Variants in SYNE2 observed in about 807,000 individuals in gnomAD.
The protein encoded by SYNE2 is spectrin repeat containing nuclear envelope protein 2.
SYNE2 carries 431 observed loss-of-function variants against 856.3 expected under a neutral mutation model. The ratio of observed to expected loss-of-function variants is 0.50; its 90% CI spans 0.47 to 0.55. The LOEUF (loss-of-function observed/expected upper bound fraction) is 0.55. Among genes scored for constraint, SYNE2 ranks in the 20% least tolerant of loss-of-function variants. The pLI is 0.00. For synonymous variants in SYNE2, 2,923 were observed against 2,872.3 expected (o/e 1.02, Z -0.56); for missense variants, 8,129 against 8,023.2 (o/e 1.01, Z -0.50).
At chr14:64,209,841 G>A (rs1414797516) in intron 102 of SYNE2, 101 bp from the exon 103 acceptor site, 1 of 1,504,714 alleles carries the variant, frequency 6.6e-7, no homozygotes, top group Non-Finnish European at 9.2e-7. Context: ...ATTGCAGTTT[G>A]GGGATGAACC....
intron 100 of SYNE2, among the ~76,000 whole-genome samples, chr14:64,204,559 G>A (rs1246702227): frequency 6.6e-6 from 1 of 152,146 alleles, no homozygotes; most frequent in Non-Finnish European, 1.5e-5. Flanking sequence ...ACAGTTTGGA[G>A]CCACTGCTAT....
At chr14:63,826,245 C>A (rs1185983337) in intron 1 of SYNE2, among the ~76,000 whole-genome samples, 1 of 151,700 alleles carries the variant, frequency 6.6e-6, no homozygotes, top group Non-Finnish European at 1.5e-5. Context: ...TAAATTCTTC[C>A]ACTTATGGTC....
chr14:64,011,547 C>T lies in SYNE2; in HGVS notation c.4728+1431C>T, dbSNP rs541712865. Among the ~76,000 whole-genome samples, 3 of 152,296 alleles carry T rather than the reference C, an allele frequency of 2.0e-5. No individual in the cohort carries two copies. The South Asian group carries it at 6.2e-4, about 32-fold the overall frequency. On this transcript the variant is annotated intron_variant, in intron 32 of 115. Transcript: ENST00000555002. ...CGATAGCAGTCTCCTACCTTGTACT[C>T]TTGTTTTAGGATCAAAGTCTCTGCC...
At chr14:64,055,454 C>T (rs934793002) in intron 48 of SYNE2, among the ~76,000 whole-genome samples, 55 of 151,204 alleles carry the variant, frequency 3.6e-4, no homozygotes, top group East Asian at 3.9e-4. Context: ...CTGCAACCTC[C>T]GCCTCCCGGG....
chr14:63,914,289 G>T (rs2095509758), intron 2 of SYNE2, among the ~76,000 whole-genome samples: 2 of 152,128 alleles, frequency 1.3e-5, no homozygotes, highest in African/African-American at 4.8e-5. Flanking sequence ...AAGTTAAATG[G>T]GATTTTCTTT....
intron 1 of SYNE2, among the ~76,000 whole-genome samples, chr14:63,815,709 A>G (rs1208294412): frequency 6.6e-6 from 1 of 152,110 alleles, no homozygotes; most frequent in East Asian, 1.9e-4. Flanking sequence ...TATAAACTTT[A>G]GAGACATCAC....
In SYNE2 at chr14:64,003,289, A is replaced by C. The variant is rs2096769196; in HGVS notation, c.4356A>C (p.Lys1452Asn). The change falls in exon 30 of 116, where the codon AAA becomes AAC. Residue 1452 changes from lysine (K) to asparagine (N), a missense_variant. Around this residue, in one of 3 missense-constraint regions of SYNE2, gnomAD observed 2,422 missense variants for 2,357.4 expected, o/e 1.03. Transcript: ENST00000555002. ...NIQDVQSQIS[K>N]IGLKDPTVPA... The stretch of plus-strand genomic sequence containing the variant: ...AAGATGTGCAGAGTCAAATCAGTAA[A>C]ATTGGTCTTAAGGATCCTACTGTTC... 1 of 1,614,008 alleles carries C rather than the reference A, an allele frequency of 6.2e-7. No homozygotes were observed. Among genetic ancestry groups the C allele is most frequent in the Admixed American group, 1.7e-5 (1 of 59,992 alleles).
At chr14:63,887,109 C>T (rs948351461) in intron 1 of SYNE2, among the ~76,000 whole-genome samples, 1 of 152,030 alleles carries the variant, frequency 6.6e-6, no homozygotes, top group Non-Finnish European at 1.5e-5. Flanking sequence ...GGTGAAACCC[C>T]GTCTCTACTA....
intron 52 of SYNE2, 85 bp from the exon 53 acceptor site, chr14:64,073,883 C>T (rs1163258378): frequency 6.9e-7 from 1 of 1,449,512 alleles, no homozygotes; most frequent in African/African-American, 1.4e-5. Flanking sequence ...TCAGGCATTT[C>T]ATTAATTGTT....
In SYNE2 at chr14:64,186,501, C is replaced by T. The variant is rs763518997; in HGVS notation, c.17634C>T (p.His5878=). 4.3e-6 allele frequency: 7 copies of T among 1,614,198 alleles called. No individual in the cohort carries two copies. The highest frequency in any genetic ancestry group is 1.1e-5 in the South Asian group (1 of 91,086). Residue 5878 remains histidine (H), a synonymous_variant, in exon 97 of 116, where the codon CAC becomes CAT. Coordinates refer to ENST00000555002, the MANE Select transcript of SYNE2 (RefSeq NM_182914.3). ...LQTMKADLTR[H]VLVEDVMVLK... ...CTATGAAGGCGGACTTAACCCGGCA[C>T]GTTCTCGTGGAAGATGTGATGGTTT...
At chr14:63,789,720 A>G (rs1398320815) in intron 1 of SYNE2, among the ~76,000 whole-genome samples, 1 of 151,898 alleles carries the variant, frequency 6.6e-6, no homozygotes, top group Non-Finnish European at 1.5e-5. Context: ...GGAGGTTGCA[A>G]TGAGCTGAGA....
At chr14:64,207,335 G>C (rs2098610312) in intron 100 of SYNE2, among the ~76,000 whole-genome samples, 1 of 152,182 alleles carries the variant, frequency 6.6e-6, no homozygotes, top group African/African-American at 2.4e-5. Flanking sequence ...AGCACTTTGG[G>C]AGGCCAAGGA....
In SYNE2 at chr14:64,120,934, C is replaced by T. The variant is rs2097893794; in HGVS notation, c.13031C>T (p.Thr4344Ile). The change falls in exon 68 of 116, where the codon ACC becomes ATC. Residue 4344 changes from threonine to isoleucine, a missense_variant. Physicochemically the swap from Thr to Ile is moderately conservative, Grantham distance 89. Around this residue, in one of 3 missense-constraint regions of SYNE2, gnomAD observed 5,410 missense variants for 5,284.8 expected, o/e 1.02. Coordinates refer to ENST00000555002, the MANE Select transcript of SYNE2 (RefSeq NM_182914.3). ...QEKHSEDQHP[T>I]ILKKSSEPEH... is the part of the protein sequence containing the mutation. ...TTATGAAATGTTTTGCAGCATCCTA[C>T]CATTCTAAAGAAATCCTCAGAGCCA... The T allele has an allele frequency of 3.1e-6, 5 of 1,614,020 alleles. No homozygotes were observed. The highest frequency in any genetic ancestry group is 4.2e-6 in the Non-Finnish European group (5 of 1,179,956).
chr14:64,055,148 G>A lies in SYNE2; in HGVS notation c.9745-796G>A, dbSNP rs112272380. ...ATGTACCTAAACTAAAGTTAGTGCA[G>A]AGAAATTAGTTTAAAAACATAAAAG... On this transcript the variant is annotated intron_variant, in intron 48 of 115. Coordinates refer to ENST00000555002, the MANE Select transcript of SYNE2 (RefSeq NM_182914.3). Among the ~76,000 whole-genome samples, 938 of 152,274 alleles carry A rather than the reference G, an allele frequency of 6.2e-3. 7 individuals carry two copies. Among genetic ancestry groups the A allele is most frequent in the African/African-American group, 0.021 (880 of 41,548 alleles).
chr14:63,772,268 T>G (rs1886946956), intron 1 of SYNE2, among the ~76,000 whole-genome samples: 1 of 151,714 alleles, frequency 6.6e-6, no homozygotes, highest in Non-Finnish European at 1.5e-5. Context: ...GTGGGAGGAT[T>G]GCTTGAGGCC....
intron 7 of SYNE2, among the ~76,000 whole-genome samples, chr14:63,950,261 T>A (rs1417092472): frequency 1.3e-5 from 2 of 152,154 alleles, no homozygotes; most frequent in African/African-American, 4.8e-5. Flanking sequence ...GGAAATAAAG[T>A]GGTATTTAAA....
At chr14:63,964,570 T>C (rs908281114) in intron 10 of SYNE2, among the ~76,000 whole-genome samples, 3 of 152,136 alleles carry the variant, frequency 2.0e-5, no homozygotes, top group Admixed American at 2.0e-4. Flanking sequence ...CGTTGCCTAG[T>C]CTGGAGTGCA....
rs754254003 is a variant in SYNE2 at position 64,126,499 on chromosome 14, C to T, written c.13707+20C>T. The T allele has an allele frequency of 6.2e-7, 1 of 1,614,112 alleles. No individual in the cohort carries two copies. Among genetic ancestry groups the T allele is most frequent in the South Asian group, 1.1e-5 (1 of 91,082 alleles). ...TACGAGGTAGGGCACTTCTCACGAG[C>T]CCATGTGTTGGCCATTACAGCAGCC... On this transcript the variant is annotated intron_variant, in intron 72 of 115. Transcript: ENST00000555002.
chr14:64,051,547 C>T lies in SYNE2; in HGVS notation c.7644-10C>T. The T allele has an allele frequency of 6.2e-7, 1 of 1,604,232 alleles. No individual in the cohort carries two copies. The highest frequency in any genetic ancestry group is 8.5e-7 in the Non-Finnish European group (1 of 1,176,420). ...AATATTAACAAGCTCTATTTTTATTCTTTTTCTAGAGGACCACTGGACAGT... is the reference window on the plus strand; with the variant it reads ...AATATTAACAAGCTCTATTTTTATTTTTTTTCTAGAGGACCACTGGACAGT... On this transcript the variant is annotated splice_polypyrimidine_tract_variant and intron_variant, in intron 47 of 115. Transcript: ENST00000555002.
Sources: gnomAD v4.1 joint callset for allele counts (sites outside exome capture counted in the v4.1 genomes callset) on GRCh38, gnomAD v4.1.1 for gene constraint, gnomAD v4.1.1 regional missense constraint, MANE v1.5 for transcripts, NCBI Gene and HGNC (gene_info 2026-07-23, HGNC 2026-07-21) for gene names.